SVEP1: variants seen among roughly 807,000 people sequenced by gnomAD.
SVEP1 encodes the protein sushi, von Willebrand factor type A, EGF and pentraxin domain-containing protein 1.
Under a neutral mutation model 367.3 loss-of-function variants are expected in SVEP1, and 164 were observed. The observed-to-expected ratio is 0.45, with a 90% confidence interval of 0.39 to 0.51. SVEP1 has a LOEUF of 0.51. SVEP1 is among the 20% of genes least tolerant of loss of function. The pLI, the probability that SVEP1 is intolerant of heterozygous loss-of-function variation, is 0.00. For synonymous variants in SVEP1, 1,666 were observed against 1,611.6 expected (o/e 1.03, Z -0.81); for missense variants, 4,117 against 4,425.3 (o/e 0.93, Z 1.98).
At position 110,427,663 on chromosome 9, in the gene SVEP1, G is replaced by A. The variant is rs757055719; in HGVS notation, c.5903C>T (p.Ala1968Val). 6.2e-7 allele frequency: 1 copy of A among 1,613,942 alleles called. No homozygotes were observed. The highest frequency in any genetic ancestry group is 2.2e-5 in the East Asian group (1 of 44,868). The change falls in exon 36 of 48, where the codon GCC (alanine) becomes GTC (valine). Residue 1968 changes from alanine (A) to valine (V), a missense_variant. Physicochemically the swap from Ala to Val is moderately conservative, Grantham distance 64 (BLOSUM62 0). This residue lies in a region of SVEP1 where 2,174 missense variants were observed against 2,494.3 expected (regional missense o/e 0.87). Coordinates refer to ENST00000374469, the MANE Select transcript of SVEP1 (RefSeq NM_153366.4). ...CHLVFCGEPP[A>V]IKDAVITGNN... ...CCCCGTAATGACAGCATCTTTGATGGCAGGTGGTTCTCCACAGAAGACGAG... is the reference window on the plus strand; with the variant it reads ...CCCCGTAATGACAGCATCTTTGATGACAGGTGGTTCTCCACAGAAGACGAG...
chr9:110,559,398 C>T (rs1381121570), intron 1 of SVEP1, among the ~76,000 whole-genome samples: 2 of 151,908 alleles, frequency 1.3e-5, no homozygotes, highest in African/African-American at 2.4e-5. Context: ...AACAGAAATA[C>T]AGTTGAGCAT....
At chr9:110,473,974 T>C (rs1829061090) in intron 14 of SVEP1, among the ~76,000 whole-genome samples, 1 of 152,208 alleles carries the variant, frequency 6.6e-6, no homozygotes. Flanking sequence ...TTTGTTAATC[T>C]GACAGGTCAA....
intron 27 of SVEP1, among the ~76,000 whole-genome samples, chr9:110,437,275 A>G (rs1828443814): frequency 6.6e-6 from 1 of 152,176 alleles, no homozygotes; most frequent in African/African-American, 2.4e-5. Flanking sequence ...ATTTCTGAAG[A>G]GATCAGAGGA....
intron 34 of SVEP1, 46 bp from the exon 35 acceptor site, chr9:110,429,380 T>C (rs1382711401): frequency 7.3e-7 from 1 of 1,370,406 alleles, no homozygotes. Flanking sequence ...TGCTTTATTT[T>C]GCATGCCGTT....
intron 40 of SVEP1, among the ~76,000 whole-genome samples, chr9:110,392,133 T>TATATATATATATATATATATATA (rs1554710907): frequency 2.0e-5 from 2 of 99,636 alleles, no homozygotes; most frequent in African/African-American, 7.8e-5. Context: ...CAATTCCTCA[T>TATATATATATATATATATATATA]TATATATATA....
intron 46 of SVEP1, among the ~76,000 whole-genome samples, chr9:110,371,248 G>A (rs749748852): frequency 6.6e-6 from 1 of 152,188 alleles, no homozygotes; most frequent in African/African-American, 2.4e-5. Flanking sequence ...GTTTCTGCTT[G>A]CTGATATAAG....
intron 4 of SVEP1, 119 bp downstream of exon 4, chr9:110,513,829 A>G: frequency 3.3e-6 from 4 of 1,221,154 alleles, no homozygotes; most frequent in Non-Finnish European, 4.5e-6. Flanking sequence ...CCCAAAAAAT[A>G]TGATTAGAGA....
chr9:110,549,761 G>T, intron 2 of SVEP1, 88 bp downstream of exon 2: 1 of 1,511,890 alleles, frequency 6.6e-7, no homozygotes, highest in Non-Finnish European at 8.9e-7. Context: ...GTGAGAGTTT[G>T]ATATTACCCT....
intron 1 of SVEP1, among the ~76,000 whole-genome samples, chr9:110,577,288 T>C (rs1195264712): frequency 6.6e-6 from 1 of 152,004 alleles, no homozygotes; most frequent in East Asian, 1.9e-4. Flanking sequence ...ATGATACAAA[T>C]GAGATAGAGA....
intron 27 of SVEP1, chr9:110,443,022 T>C (rs1828537172): frequency 6.6e-6 from 1 of 152,204 alleles, no homozygotes; most frequent in South Asian, 2.1e-4. Flanking sequence ...TATAGATGTA[T>C]CCAGATAGAA....
At chr9:110,485,500 G>A (rs889562969) in intron 9 of SVEP1, among the ~76,000 whole-genome samples, 2 of 152,080 alleles carry the variant, frequency 1.3e-5, no homozygotes, top group Non-Finnish European at 2.9e-5. Context: ...CCTAGGTGAT[G>A]GGTTGATAGG....
In SVEP1 at chr9:110,512,941, C is replaced by T. The variant is rs752147631; in HGVS notation, c.1288G>A (p.Glu430Lys). The change falls in exon 5 of 48, where the codon GAG becomes AAG. Residue 430 changes from glutamate to lysine, a missense_variant. Coordinates refer to ENST00000374469, the MANE Select transcript of SVEP1 (RefSeq NM_153366.4). ...CLPNGLWSGS[E>K]SYCRVRTCPH... ...GTTTGCATACCTCTGCAGTAGCTCT[C>T]TGAACCGGACCACAAACCATTGGGT... 1.9e-6 allele frequency: 3 copies of T among 1,613,976 alleles called. No homozygotes were observed. Among genetic ancestry groups the T allele is most frequent in the Non-Finnish European group, 2.5e-6 (3 of 1,179,888 alleles).
rs756018074 is a variant in SVEP1, at chr9:110,387,268, C to A, written c.10060+17G>T. ...AAACTGAATCTGATTAAAATTTCTC[C>A]TAAAGGCAACACACACGTTTGCAGA... On this transcript the variant is annotated intron_variant, in intron 42 of 47. Coordinates refer to ENST00000374469, the MANE Select transcript of SVEP1 (RefSeq NM_153366.4). The A allele has an allele frequency of 1.9e-6, 3 of 1,558,100 alleles. No individual in the cohort carries two copies. Among genetic ancestry groups the A allele is most frequent in the Non-Finnish European group, 2.6e-6 (3 of 1,159,680 alleles).
At chr9:110,491,627 C>A (rs1205072808) in intron 8 of SVEP1, among the ~76,000 whole-genome samples, 1 of 130,554 alleles carries the variant, frequency 7.7e-6, no homozygotes, top group South Asian at 2.3e-4. Flanking sequence ...GCAAATTTAT[C>A]TGTATCTTGG....
chr9:110,563,330 TGA>T (rs977545780), intron 1 of SVEP1, among the ~76,000 whole-genome samples: 188 of 150,762 alleles, frequency 1.2e-3, no homozygotes, highest in African/African-American at 1.7e-3. Flanking sequence ...ATAAAAAGAG[TGA>T]GAGACAAAAA....
chr9:110,469,499 T>C (rs894296110), intron 16 of SVEP1, among the ~76,000 whole-genome samples: 4 of 152,234 alleles, frequency 2.6e-5, no homozygotes, highest in Non-Finnish European at 5.9e-5. Flanking sequence ...AACATTTTCT[T>C]AGTTGTTTCT....
chr9:110,389,065 G>T (rs887389030), intron 41 of SVEP1, among the ~76,000 whole-genome samples: 10 of 152,164 alleles, frequency 6.6e-5, no homozygotes, highest in Non-Finnish European at 1.3e-4. Flanking sequence ...CCCACATTTT[G>T]CCAAATAAAC....
At chr9:110,480,173 G>A (rs935046751) in intron 12 of SVEP1, among the ~76,000 whole-genome samples, 1 of 151,968 alleles carries the variant, frequency 6.6e-6, no homozygotes, top group Non-Finnish European at 1.5e-5. Flanking sequence ...TATTATTTTT[G>A]TGCAATCATA....
rs199618001 is a variant in SVEP1, at chr9:110,496,861, T to C, written c.1754A>G (p.Asn585Ser). 1,147 of 1,558,862 alleles carry C rather than the reference T, an allele frequency of 7.4e-4. No homozygotes were observed. The highest frequency in any genetic ancestry group is 9.1e-4 in the Non-Finnish European group (1,043 of 1,149,904). Residue 585 changes from asparagine to serine, a missense_variant, in exon 8 of 48, where the codon AAT (asparagine) becomes AGT (serine). By Grantham distance (46) the Asn-to-Ser change is conservative. Coordinates refer to ENST00000374469, the MANE Select transcript of SVEP1 (RefSeq NM_153366.4). ...AGCTGTTGGAATCTGCCAGGTAACATTGGCAGAATCTTGCTGTTCCAGAGT... is the reference window on the plus strand; with the variant it reads ...AGCTGTTGGAATCTGCCAGGTAACACTGGCAGAATCTTGCTGTTCCAGAGT... ...AKTLEQQDSA[N>S]VTWQIPTAKD... is the part of the protein sequence containing the mutation.
Sources: gnomAD v4.1 joint callset for allele counts (sites outside exome capture counted in the v4.1 genomes callset) on GRCh38, gnomAD v4.1.1 for gene constraint, gnomAD v4.1.1 regional missense constraint, MANE v1.5 for transcripts, NCBI Gene and HGNC (gene_info 2026-07-23, HGNC 2026-07-21) for gene names.